Variants in DTX4 observed in about 807,000 individuals in gnomAD.
The protein encoded by DTX4 is deltex E3 ubiquitin ligase 4.
Under a neutral mutation model 57.6 loss-of-function variants are expected in DTX4, and 28 were observed. The ratio of observed to expected loss-of-function variants is 0.49; its 90% CI spans 0.36 to 0.67. The LOEUF is 0.67. Ranked by LOEUF, DTX4 falls within the 30% of genes least tolerant of loss-of-function variation. The pLI, the probability that DTX4 is intolerant of heterozygous loss-of-function variation, is 0.00. For synonymous variants in DTX4, 316 were observed against 331.0 expected (o/e 0.95, Z 0.49); for missense variants, 715 against 836.8 (o/e 0.85, Z 1.80).
intron 1 of DTX4, among the ~76,000 whole-genome samples, chr11:59,174,693 G>C (rs559945597): frequency 6.6e-6 from 1 of 152,108 alleles, no homozygotes; most frequent in Non-Finnish European, 1.5e-5. Flanking sequence ...CTACAGAAGC[G>C]AAGTTGTAGA....
rs534485061 is a variant in DTX4, at chr11:59,181,913, T to C, written c.386T>C (p.Ile129Thr). The change falls in exon 2 of 9, where the codon ATT becomes ACT. Residue 129 changes from isoleucine to threonine, a missense_variant. Coordinates refer to ENST00000227451, the MANE Select transcript of DTX4 (RefSeq NM_015177.2). ...KQHPWIDLTSIGFSYVIDFNT... is the reference protein window; with the variant it reads ...KQHPWIDLTSTGFSYVIDFNT... ...CACCCCTGGATCGACCTCACTTCCA[T>C]TGGCTTTAGCTACGTAATTGACTTC... 9.3e-6 allele frequency: 15 copies of C among 1,613,932 alleles called. No homozygotes were observed. The African/African-American group carries it at 1.7e-4, about 19-fold the overall frequency.
intron 1 of DTX4, among the ~76,000 whole-genome samples, chr11:59,175,779 C>G (rs1862388293): frequency 6.6e-6 from 1 of 152,172 alleles, no homozygotes; most frequent in South Asian, 2.1e-4. Context: ...TCCAGGTTTT[C>G]AGTAGCAGGA....
At chr11:59,183,726 A>G (rs527894914) in intron 2 of DTX4, among the ~76,000 whole-genome samples, 1 of 152,312 alleles carries the variant, frequency 6.6e-6, no homozygotes, top group East Asian at 1.9e-4. Flanking sequence ...CAGAGTGGGA[A>G]GAGTGCCGAG....
rs1461362952 is a variant in DTX4 at position 59,172,284 on chromosome 11, G to A, written c.-312G>A. 6.6e-6 allele frequency among the ~76,000 whole-genome samples: 1 copy of A among 151,982 alleles called. No homozygotes were observed. The highest frequency in any genetic ancestry group is 2.4e-5 in the African/African-American group (1 of 41,414). ...GCGCCCGCCGAGTGGCTTTTGCAAGGCGGGGGCCTGTTTGCAGAGAGCCGG... is the reference window on the plus strand; with the variant it reads ...GCGCCCGCCGAGTGGCTTTTGCAAGACGGGGGCCTGTTTGCAGAGAGCCGG... On this transcript the variant is annotated 5_prime_UTR_variant, in exon 1 of 9. Transcript: ENST00000227451.
At chr11:59,186,050 G>A (rs1022064750) in intron 2 of DTX4, among the ~76,000 whole-genome samples, 1 of 152,224 alleles carries the variant, frequency 6.6e-6, no homozygotes. Context: ...TCCATTACAC[G>A]GTTCTGGATT....
intron 1 of DTX4, among the ~76,000 whole-genome samples, chr11:59,178,627 G>A (rs541584902): frequency 6.6e-6 from 1 of 152,306 alleles, no homozygotes; most frequent in South Asian, 2.1e-4. Context: ...CTCCACAGTG[G>A]CATTCCTGCA....
chr11:59,172,782 A>G lies in DTX4; in HGVS notation c.187A>G (p.Met63Val). Reference sequence around the variant, plus strand: ...GCCCTACATCATCGACCTGCAGTCCATGAACCAGTTCCGCCAAGACACGGG... The same window carrying G: ...GCCCTACATCATCGACCTGCAGTCCGTGAACCAGTTCCGCCAAGACACGGG... ...LAPYIIDLQS[M>V]NQFRQDTGTL... Residue 63 changes from methionine to valine, a missense_variant, in exon 1 of 9, where the codon ATG becomes GTG. Met to Val is a conservative substitution (Grantham distance 21, BLOSUM62 1). Coordinates refer to ENST00000227451, the MANE Select transcript of DTX4 (RefSeq NM_015177.2). The G allele has an allele frequency of 1.9e-6, 3 of 1,591,044 alleles. No individual in the cohort carries two copies. Among genetic ancestry groups the G allele is most frequent in the East Asian group, 2.3e-5 (1 of 42,652 alleles).
chr11:59,195,669 T>C (rs1449384045), intron 7 of DTX4, among the ~76,000 whole-genome samples: 2 of 152,126 alleles, frequency 1.3e-5, no homozygotes, highest in East Asian at 3.9e-4. Context: ...CAGTTAACAA[T>C]GTAGTCTGTA....
intron 8 of DTX4, among the ~76,000 whole-genome samples, chr11:59,203,322 G>A (rs982737986): frequency 6.6e-6 from 1 of 151,628 alleles, no homozygotes; most frequent in Admixed American, 6.6e-5. Flanking sequence ...CAAACACATT[G>A]TACAGCTGTA....
rs1938780 is a variant in DTX4 at position 59,200,451 on chromosome 11, C to T, written c.1626+678C>T. On this transcript the variant is annotated intron_variant, in intron 8 of 8. Transcript: ENST00000227451. ...GCTTAAACGCTGGTCCTGGGACCAG[C>T]GCCAGTGGCACCACATAGGAGCTTG... Among the ~76,000 whole-genome samples the T allele has an allele frequency of 5.3e-5, 8 of 152,242 alleles. No individual in the cohort carries two copies. In the East Asian group the frequency reaches 1.5e-3, roughly 29 times the overall value.
intron 6 of DTX4, among the ~76,000 whole-genome samples, chr11:59,193,451 G>A (rs946383095): frequency 6.6e-6 from 1 of 152,130 alleles, no homozygotes; most frequent in Non-Finnish European, 1.5e-5. Context: ...GATGGGGGAT[G>A]CAAATCTGGA....
Position 59,204,916 on chromosome 11 carries a change from A to T in DTX4, c.*7A>T, listed in dbSNP as rs949999017. On this transcript the variant is annotated 3_prime_UTR_variant, in exon 9 of 9. Coordinates refer to ENST00000227451, the MANE Select transcript of DTX4 (RefSeq NM_015177.2). ...TGCCCAGGAGAAGGACTGAGGCCAG[A>T]AAAGCTTTGAGGTGGGAGGGGCCAT... The T allele has an allele frequency of 6.4e-7, 1 of 1,566,852 alleles. No individual in the cohort carries two copies. Among genetic ancestry groups the T allele is most frequent in the African/African-American group, 1.4e-5 (1 of 73,888 alleles).
intron 2 of DTX4, 97 bp downstream of exon 2, chr11:59,182,559 G>A: frequency 2.1e-6 from 3 of 1,421,696 alleles, no homozygotes; most frequent in East Asian, 5.0e-5. Context: ...CAAGACTTAA[G>A]CTTCTCATCT....
In DTX4 at chr11:59,199,736, G is replaced by A. The variant is rs755046083; in HGVS notation, c.1589G>A (p.Arg530Gln). 1.3e-6 allele frequency: 2 copies of A among 1,573,600 alleles called. No homozygotes were observed. The highest frequency in any genetic ancestry group is 2.4e-5 in the East Asian group (1 of 42,386). ...GKSFSARGFP[R>Q]HCYLPDSEKG... Reference sequence around the variant, plus strand: ...AGTTTCAGCGCCCGAGGCTTCCCACGACACTGTTACCTTCCGGACAGCGAG... The same window carrying A: ...AGTTTCAGCGCCCGAGGCTTCCCACAACACTGTTACCTTCCGGACAGCGAG... Residue 530 changes from arginine (R) to glutamine (Q), a missense_variant, in exon 8 of 9, where the codon CGA (arginine) becomes CAA (glutamine). Transcript: ENST00000227451.
chr11:59,202,628 G>A (rs1191973696), intron 8 of DTX4, among the ~76,000 whole-genome samples: 1 of 152,168 alleles, frequency 6.6e-6, no homozygotes, highest in African/African-American at 2.4e-5. Context: ...AGTCAACAGA[G>A]TGGTGATTCA....
At chr11:59,178,386 C>T (rs556942409) in intron 1 of DTX4, among the ~76,000 whole-genome samples, 9 of 152,308 alleles carry the variant, frequency 5.9e-5, no homozygotes, top group East Asian at 1.9e-4. Context: ...CCTTGTGATA[C>T]GTTCTGCCTC....
chr11:59,177,862 T>C (rs1862414717), intron 1 of DTX4, among the ~76,000 whole-genome samples: 1 of 152,342 alleles, frequency 6.6e-6, no homozygotes, highest in African/African-American at 2.4e-5. Context: ...ATTACTTCAT[T>C]TATTGAATCA....
intron 5 of DTX4, 86 bp downstream of exon 5, chr11:59,191,261 G>A: frequency 7.4e-7 from 1 of 1,359,228 alleles, no homozygotes; most frequent in Non-Finnish European, 1.0e-6. Context: ...ACAGGATATG[G>A]CGGGGGCTGC....
intron 8 of DTX4, among the ~76,000 whole-genome samples, chr11:59,202,386 G>A (rs1391854795): frequency 6.6e-6 from 1 of 152,236 alleles, no homozygotes; most frequent in Non-Finnish European, 1.5e-5. Context: ...CTGTAAAATA[G>A]TGGTGATGAT....
Sources: allele counts gnomAD v4.1 joint callset (sites outside exome capture counted in the v4.1 genomes callset), GRCh38; gene constraint gnomAD v4.1.1; transcripts MANE v1.5; gene names NCBI Gene and HGNC (gene_info 2026-07-23, HGNC 2026-07-21).